CASD1: variants seen among roughly 807,000 people sequenced by gnomAD.
The protein encoded by CASD1 is CAS1 domain sialic acid O acetyltransferase 1.
Under a neutral mutation model 100.0 loss-of-function variants are expected in CASD1, and 41 were observed. That is an observed-to-expected ratio of 0.41 (90% CI 0.32 to 0.53). CASD1 has a LOEUF of 0.53. CASD1 is among the 20% of genes least tolerant of loss of function. The probability of loss-of-function intolerance (pLI) is 0.25; values close to 1 mark genes in which losing one functional copy is unlikely to be tolerated. For missense variants in CASD1, 774 were observed against 948.7 expected (o/e 0.82, Z 2.42); for synonymous variants, 321 against 315.6 (o/e 1.02, Z -0.18).
chr7:94,618,536 A>G, the CASD1 span: 1 of 528,128 alleles, frequency 1.9e-6, no homozygotes, highest in Non-Finnish European at 3.3e-6. Context: ...GCTGATCCTC[A>G]TCTACAATTA....
Position 94,510,102 on chromosome 7 carries a change from C to T in CASD1, c.18C>T (p.Tyr6=). The change falls in exon 1 of 18, where the codon TAC becomes TAT. Residue 6 remains tyrosine (Y), a synonymous_variant. Coordinates refer to ENST00000297273, the MANE Select transcript of CASD1 (RefSeq NM_022900.5). ...GAACCAAGATGGCGGCTCTGGCCTA[C>T]AACCTGGGCAAGCGGGAGATCAACC... The part of the protein sequence containing the change: MAALA[Y]NLGKREINHY... 1 of 1,528,018 alleles carries T rather than the reference C, an allele frequency of 6.5e-7. No individual in the cohort carries two copies. The highest frequency in any genetic ancestry group is 8.8e-7 in the Non-Finnish European group (1 of 1,136,080). 94.7% of individuals were successfully genotyped at this position (1,528,018 alleles called of 1,614,324 possible).
chr7:94,534,509 T>G (rs1795022520), intron 7 of CASD1, among the ~76,000 whole-genome samples: 1 of 152,194 alleles, frequency 6.6e-6, no homozygotes, highest in Non-Finnish European at 1.5e-5. Context: ...AAAATACACT[T>G]TTGAATTGAC....
intron 16 of CASD1, chr7:94,553,129 C>T (rs575037136): frequency 2.1e-6 from 1 of 476,990 alleles, no homozygotes; most frequent in Non-Finnish European, 4.1e-6. Context: ...GTTTAGGTCT[C>T]ACATTCATGA....
At chr7:94,577,271 C>T in the CASD1 span, among the ~76,000 whole-genome samples, 4 of 152,118 alleles carry the variant, frequency 2.6e-5, no homozygotes, top group East Asian at 7.7e-4. Context: ...TATGGTGGTC[C>T]TGGAAATCAG....
chr7:94,618,725 A>C, the CASD1 span: 1 of 1,557,492 alleles, frequency 6.4e-7, no homozygotes, highest in Non-Finnish European at 8.9e-7. Context: ...TTAAAAATCT[A>C]TATTTAAGGC....
the CASD1 span, among the ~76,000 whole-genome samples, chr7:94,585,681 A>G: frequency 6.6e-6 from 1 of 152,278 alleles, no homozygotes; most frequent in East Asian, 1.9e-4. Context: ...TAAAAAACAG[A>G]AAACAAAAGA....
At chr7:94,540,488 ATTAT>A (rs1355285318) in intron 10 of CASD1, among the ~76,000 whole-genome samples, 14 of 152,262 alleles carry the variant, frequency 9.2e-5, no homozygotes, top group East Asian at 1.9e-4. Context: ...GATTTTATGA[ATTAT>A]TTATTTGAAG....
the CASD1 span, chr7:94,588,913 A>G: frequency 1.6e-6 from 1 of 640,314 alleles, no homozygotes; most frequent in Non-Finnish European, 2.7e-6. Context: ...GGAGAATAAA[A>G]ATTAACAATA....
chr7:94,599,634 A>T, the CASD1 span: 1 of 1,277,958 alleles, frequency 7.8e-7, no homozygotes, highest in Non-Finnish European at 1.1e-6. Context: ...TGTATGGAGC[A>T]TGATGGGCAA....
At chr7:94,562,897 CT>C in the CASD1 span, among the ~76,000 whole-genome samples, 82 of 151,240 alleles carry the variant, frequency 5.4e-4, no homozygotes, top group Admixed American at 2.9e-3. Context: ...AGCTGACCCC[CT>C]TTTTTTTTAT....
At chr7:94,597,669 T>G in the CASD1 span, 1 of 152,230 alleles carries the variant, frequency 6.6e-6, no homozygotes, top group African/African-American at 2.4e-5. Flanking sequence ...CTTCATGACT[T>G]CTAGTGCTTA....
chr7:94,559,308 G>GTA (rs1554417426), downstream of CASD1, among the ~76,000 whole-genome samples: 84 of 123,726 alleles, frequency 6.8e-4, 2 homozygotes, highest in African/African-American at 1.2e-3. Flanking sequence ...GTGTGTGTAT[G>GTA]TGTGTGTGTG....
At chr7:94,577,227 T>C in the CASD1 span, among the ~76,000 whole-genome samples, 5 of 152,180 alleles carry the variant, frequency 3.3e-5, no homozygotes, top group African/African-American at 7.2e-5. Context: ...ATATGTGGTT[T>C]TGTGTGTTTT....
At chr7:94,595,151 T>A in the CASD1 span, among the ~76,000 whole-genome samples, 1 of 152,176 alleles carries the variant, frequency 6.6e-6, no homozygotes, top group African/African-American at 2.4e-5. Context: ...TTTTTCTTAC[T>A]GACTAATTTA....
At chr7:94,575,487 A>G in the CASD1 span, among the ~76,000 whole-genome samples, 2 of 152,106 alleles carry the variant, frequency 1.3e-5, no homozygotes, top group East Asian at 1.9e-4. Context: ...ATTTTAGAGT[A>G]TGTGCCATGT....
rs954609298 is a variant in CASD1 at position 94,535,166 on chromosome 7, G to A, written c.629-143G>A. ...TATTGCAAACTTTGGGAAGCTTTGC[G>A]TAAAAATGAACTATTAGGTACCTGG... On this transcript the variant is annotated intron_variant, in intron 7 of 17. Coordinates refer to ENST00000297273, the MANE Select transcript of CASD1 (RefSeq NM_022900.5). 3.0e-5 allele frequency: 18 copies of A among 607,546 alleles called. No individual in the cohort carries two copies. The Middle Eastern group carries it at 1.3e-3, about 45-fold the overall frequency. The allele number at this position is 607,546 out of a possible 1,614,324, so 37.6% of individuals were successfully genotyped here. A position where few individuals can be genotyped will look rare whatever the true frequency, so the allele number is the denominator to read the frequency against.
the CASD1 span, among the ~76,000 whole-genome samples, chr7:94,571,525 A>G: frequency 6.6e-6 from 1 of 152,196 alleles, no homozygotes; most frequent in Non-Finnish European, 1.5e-5. Flanking sequence ...GCTGCCAGTG[A>G]GGGCTCAAAA....
At chr7:94,623,469 AT>A in the CASD1 span, 3 of 939,200 alleles carry the variant, frequency 3.2e-6, no homozygotes, top group Non-Finnish European at 5.1e-6. Context: ...AAGGATTAAA[AT>A]GAAAACAAAT....
chr7:94,585,553 C>A, the CASD1 span: 1 of 1,417,774 alleles, frequency 7.1e-7, no homozygotes, highest in South Asian at 1.1e-5. Context: ...AGGAGTTAGT[C>A]AGGGCATGGA....
Sources: allele counts gnomAD v4.1 joint callset (sites outside exome capture counted in the v4.1 genomes callset), GRCh38; gene constraint gnomAD v4.1.1; transcripts MANE v1.5; gene names NCBI Gene and HGNC (gene_info 2026-07-23, HGNC 2026-07-21).